Variants in ADGRL2 observed in about 807,000 individuals in gnomAD.
ADGRL2 encodes the protein calcium-independent alpha-latrotoxin receptor 2.
ADGRL2 carries 44 observed loss-of-function variants against 157.4 expected under a neutral mutation model. The observed-to-expected ratio is 0.28, with a 90% confidence interval of 0.22 to 0.36. The LOEUF is 0.36. Ranked by LOEUF, ADGRL2 falls within the 10% of genes least tolerant of loss-of-function variation. The probability of loss-of-function intolerance (pLI) is 1.00; values close to 1 mark genes in which losing one functional copy is unlikely to be tolerated. For synonymous variants in ADGRL2, 585 were observed against 624.7 expected (o/e 0.94, Z 0.95); for missense variants, 1,510 against 1,768.9 (o/e 0.85, Z 2.63).
intron 1 of ADGRL2, among the ~76,000 whole-genome samples, chr1:81,358,639 A>T (rs1270701185): frequency 6.6e-6 from 1 of 152,144 alleles, no homozygotes; most frequent in Non-Finnish European, 1.5e-5. Flanking sequence ...ATCAACCTGG[A>T]TAGGACAGCT....
chr1:81,721,729 G>C, intron 1 of ADGRL2: 17 of 1,416,496 alleles, frequency 1.2e-5, no homozygotes, highest in Non-Finnish European at 1.7e-5. Context: ...AGGCCCTTGT[G>C]AAAATGTGTA....
chr1:81,502,865 T>C (rs2078885030), intron 2 of ADGRL2: 1 of 1,613,102 alleles, frequency 6.2e-7, no homozygotes, highest in Non-Finnish European at 8.5e-7. Context: ...CCACCCAAGA[T>C]CCGCTTTCCC....
intron 3 of ADGRL2, among the ~76,000 whole-genome samples, chr1:81,689,052 G>A (rs577746156): frequency 6.6e-6 from 1 of 152,162 alleles, no homozygotes; most frequent in Non-Finnish European, 1.5e-5. Context: ...GTGGAGAACA[G>A]GTGTCCACCA....
chr1:81,459,835 C>T (rs548382942), intron 2 of ADGRL2, among the ~76,000 whole-genome samples: 175 of 149,180 alleles, frequency 1.2e-3, no homozygotes, highest in African/African-American at 4.2e-3. Flanking sequence ...TATATATACA[C>T]ACACACACAT....
rs760236929 is a variant in ADGRL2 at position 81,984,699 on chromosome 1, C to A, written c.3399C>A (p.Ser1133=). Residue 1133 remains serine, a synonymous_variant, in exon 20 of 24, where the codon TCC becomes TCA. Transcript: ENST00000686636. The part of the protein sequence containing the change: ...ASTTRTSARY[S]SGTQSRIRRM... ...CCACCAGAACCAGTGCTCGCTATTC[C>A]TCTGGCACACAGGTAACAAAGAGTT... 1 of 1,612,698 alleles carries A rather than the reference C, an allele frequency of 6.2e-7. No individual in the cohort carries two copies. The highest frequency in any genetic ancestry group is 8.5e-7 in the Non-Finnish European group (1 of 1,179,064).
chr1:81,511,189 G>A (rs2079068503), intron 2 of ADGRL2, among the ~76,000 whole-genome samples: 1 of 151,714 alleles, frequency 6.6e-6, no homozygotes, highest in Admixed American at 6.6e-5. Flanking sequence ...TTAGAACACA[G>A]AACAAAATCC....
intron 3 of ADGRL2, among the ~76,000 whole-genome samples, chr1:81,587,261 C>T (rs574726586): frequency 5.5e-4 from 83 of 152,110 alleles, no homozygotes; most frequent in African/African-American, 1.9e-3. Flanking sequence ...AAGAATATGA[C>T]AAGCATCATA....
chr1:81,400,290 G>C (rs1056195428), intron 1 of ADGRL2, among the ~76,000 whole-genome samples: 1 of 152,030 alleles, frequency 6.6e-6, no homozygotes, highest in Non-Finnish European at 1.5e-5. Context: ...TTTGGGGCCC[G>C]TGTCAAGACT....
In ADGRL2 at chr1:81,826,615, CT is replaced by C. The variant is rs539539649; in HGVS notation, c.-100-10265del. 2.0e-4 allele frequency among the ~76,000 whole-genome samples: 31 copies of C among 152,260 alleles called. No individual in the cohort carries two copies. The South Asian group carries it at 6.0e-3, about 30-fold the overall frequency. On this transcript the variant is annotated intron_variant, in intron 1 of 23. Coordinates refer to ENST00000686636, the MANE Select transcript of ADGRL2 (RefSeq NM_001366006.2). ...TGTATGGTTGGCCCTTCGCCTTAAC[CT>C]TTTTATCATTTATCTTCTTGTATTA...
chr1:81,554,162 A>C (rs552444568), intron 2 of ADGRL2, among the ~76,000 whole-genome samples: 1 of 152,256 alleles, frequency 6.6e-6, no homozygotes, highest in South Asian at 2.1e-4. Context: ...AGAACATGAG[A>C]GGTATTTGTT....
chr1:81,434,827 G>A (rs2077381700), intron 1 of ADGRL2, among the ~76,000 whole-genome samples: 1 of 152,166 alleles, frequency 6.6e-6, no homozygotes, highest in South Asian at 2.1e-4. Flanking sequence ...TGACAAGACT[G>A]GGCTTAAGTC....
At chr1:81,881,750 G>A (rs112033823) in intron 2 of ADGRL2, among the ~76,000 whole-genome samples, 6 of 152,178 alleles carry the variant, frequency 3.9e-5, no homozygotes, top group Admixed American at 2.0e-4. Flanking sequence ...ATATCCTTCC[G>A]TGTATGGATT....
At chr1:81,794,997 T>C (rs935798518) in intron 2 of ADGRL2, among the ~76,000 whole-genome samples, 1 of 152,156 alleles carries the variant, frequency 6.6e-6, no homozygotes. Flanking sequence ...AATAAAATCA[T>C]GAAAAACATT....
chr1:81,711,180 G>T (rs2083915198), intron 1 of ADGRL2, among the ~76,000 whole-genome samples: 1 of 152,092 alleles, frequency 6.6e-6, no homozygotes, highest in Non-Finnish European at 1.5e-5. Flanking sequence ...TGTTCTTCAG[G>T]TTACAATTCT....
At position 81,970,391 on chromosome 1, in the gene ADGRL2, G is replaced by A. The variant is rs766797566; in HGVS notation, c.2811G>A (p.Val937=). The change falls in exon 16 of 24, where the codon GTG becomes GTA. Residue 937 remains valine (V), a synonymous_variant. Coordinates refer to ENST00000686636, the MANE Select transcript of ADGRL2 (RefSeq NM_001366006.2). ...AAFAWMCLEG[V]QLYLMLVEVF... ...TTGCTTGGATGTGCCTAGAAGGTGT[G>A]CAGCTCTACCTAATGTTAGTTGAAG... The A allele has an allele frequency of 1.9e-6, 3 of 1,587,152 alleles. No individual in the cohort carries two copies. The highest frequency in any genetic ancestry group is 1.4e-5 in the African/African-American group (1 of 72,666).
chr1:81,386,891 A>T (rs1247800281), intron 1 of ADGRL2, among the ~76,000 whole-genome samples: 1 of 152,058 alleles, frequency 6.6e-6, no homozygotes, highest in African/African-American at 2.4e-5. Flanking sequence ...CTCTCTCCTC[A>T]TCTCTACCTG....
intron 3 of ADGRL2, among the ~76,000 whole-genome samples, chr1:81,659,149 C>A (rs539960695): frequency 2.6e-5 from 4 of 151,476 alleles, no homozygotes; most frequent in Non-Finnish European, 4.4e-5. Flanking sequence ...GCAACCTCCC[C>A]CTCCTGGGTT....
chr1:81,944,581 A>C (rs979463454), intron 6 of ADGRL2, among the ~76,000 whole-genome samples: 11 of 152,098 alleles, frequency 7.2e-5, no homozygotes, highest in African/African-American at 2.7e-4. Context: ...TAATTTGTTA[A>C]TGTATTATTA....
chr1:81,803,049 C>T (rs913196197), intron 1 of ADGRL2, among the ~76,000 whole-genome samples: 3 of 152,034 alleles, frequency 2.0e-5, no homozygotes, highest in South Asian at 2.1e-4. Flanking sequence ...CAGCAGCGGG[C>T]CGCGTTGGGC....
Sources: gnomAD v4.1 joint callset for allele counts (sites outside exome capture counted in the v4.1 genomes callset) on GRCh38, gnomAD v4.1.1 for gene constraint, MANE v1.5 for transcripts, NCBI Gene and HGNC (gene_info 2026-07-23, HGNC 2026-07-21) for gene names.